Variants in PPCDC observed in about 807,000 individuals in gnomAD.
PPCDC encodes phosphopantothenoylcysteine decarboxylase.
A neutral mutation model predicts 20.7 loss-of-function variants in PPCDC; 20 were observed. That is an observed-to-expected ratio of 0.97 (90% CI 0.68 to 1.41). PPCDC has a LOEUF of 1.41. PPCDC is among the 40% of genes most tolerant of loss of function. The pLI is 0.00. For synonymous variants in PPCDC, 88 were observed against 100.3 expected, an observed-to-expected ratio of 0.88 and a Z score of 0.73; for missense variants, 246 against 263.8, an observed-to-expected ratio of 0.93 and a Z score of 0.47.
chr15:75,043,876 C>T (rs967293582), intron 3 of PPCDC: 5 of 347,028 alleles, frequency 1.4e-5, no homozygotes, highest in East Asian at 1.3e-4. Flanking sequence ...GAACGCCTCA[C>T]TTCCCACGGC....
Position 75,049,498 on chromosome 15 carries a change from G to T in PPCDC, c.*263G>T. 1 of 488,084 alleles carries T rather than the reference G, an allele frequency of 2.0e-6. No individual in the cohort carries two copies. The highest frequency in any genetic ancestry group is 3.7e-6 in the Non-Finnish European group (1 of 269,232). The allele number at this position is 488,084 out of a possible 1,614,324, so 30.2% of individuals were successfully genotyped here. A position where few individuals can be genotyped will look rare whatever the true frequency, so the allele number is the denominator to read the frequency against. ...GTGAGGCAAGCCAGGAGAGCAAGCA[G>T]TGTTGTCCTCACGGGAGGAGGACTG... On this transcript the variant is annotated 3_prime_UTR_variant, in exon 6 of 6. Coordinates refer to ENST00000342932, the MANE Select transcript of PPCDC (RefSeq NM_021823.5).
intron 2 of PPCDC, among the ~76,000 whole-genome samples, chr15:75,030,997 G>T (rs2066013850): frequency 6.6e-6 from 1 of 152,174 alleles, no homozygotes; most frequent in African/African-American, 2.4e-5. Flanking sequence ...ATGACCTTGA[G>T]TATGTTGGGG....
chr15:75,047,303 C>T (rs768586695), intron 4 of PPCDC, among the ~76,000 whole-genome samples: 1 of 152,194 alleles, frequency 6.6e-6, no homozygotes, highest in Non-Finnish European at 1.5e-5. Flanking sequence ...GCCCGGCTGC[C>T]GTATTGAGAG....
chr15:75,033,605 T>A (rs2066051103), intron 2 of PPCDC, among the ~76,000 whole-genome samples: 1 of 151,968 alleles, frequency 6.6e-6, no homozygotes, highest in South Asian at 2.1e-4. Flanking sequence ...TTTTTTTTTT[T>A]AAAGTGCTCA....
intron 2 of PPCDC, among the ~76,000 whole-genome samples, chr15:75,037,485 G>A (rs892748414): frequency 9.8e-5 from 15 of 152,356 alleles, no homozygotes; most frequent in African/African-American, 3.1e-4. Flanking sequence ...GGTGGCTCAT[G>A]CCTGTAATCC....
At chr15:75,044,541 C>T (rs372490177) in intron 4 of PPCDC, 27 bp downstream of exon 4, 42 of 1,605,576 alleles carry the variant, frequency 2.6e-5, no homozygotes, top group Middle Eastern at 1.7e-4. Flanking sequence ...TGCCCTCGTC[C>T]GTCCCTGGGC....
intron 2 of PPCDC, among the ~76,000 whole-genome samples, chr15:75,037,834 C>G (rs1567055726): frequency 6.6e-6 from 1 of 152,034 alleles, no homozygotes; most frequent in Non-Finnish European, 1.5e-5. Context: ...TAGGAGGGAC[C>G]TGAACCGAGG....
At chr15:75,032,276 A>G (rs1172335817) in intron 2 of PPCDC, among the ~76,000 whole-genome samples, 1 of 152,170 alleles carries the variant, frequency 6.6e-6, no homozygotes, top group East Asian at 1.9e-4. Context: ...CCCCCAACTC[A>G]AGGAGTCAGC....
rs750615573 is a variant in PPCDC at position 75,043,444 on chromosome 15, G to A, written c.139G>A (p.Glu47Lys). The A allele has an allele frequency of 9.3e-6, 15 of 1,611,182 alleles. No individual in the cohort carries two copies. The East Asian group carries it at 2.7e-4, about 29-fold the overall frequency. ...VSKLLDIPGL[E>K]VAVVTTERAK... is the part of the protein sequence containing the mutation. ...ACCCCCTTCTTCTTGGTGACAGCTG[G>A]AAGTAGCAGTGGTCACAACTGAGAG... Residue 47 changes from glutamate (E) to lysine (K), a missense_variant, in exon 3 of 6, where the codon GAA becomes AAA. Glu to Lys is a moderately conservative substitution (Grantham distance 56). This residue lies in a region of PPCDC where 225 missense variants were observed against 222.6 expected (regional missense o/e 1.01). Coordinates refer to ENST00000342932, the MANE Select transcript of PPCDC (RefSeq NM_021823.5).
intron 3 of PPCDC, 124 bp from the exon 4 acceptor site, chr15:75,044,262 A>C (rs2066195246): frequency 7.3e-7 from 1 of 1,368,314 alleles, no homozygotes; most frequent in African/African-American, 1.4e-5. Context: ...GCAGGAGGGA[A>C]CGGAGGTTGG....
chr15:75,033,872 G>A (rs1445242224), intron 2 of PPCDC, among the ~76,000 whole-genome samples: 1 of 152,160 alleles, frequency 6.6e-6, no homozygotes, highest in Non-Finnish European at 1.5e-5. Context: ...CAACGTTCCT[G>A]TGCAGAGCCT....
intron 2 of PPCDC, among the ~76,000 whole-genome samples, chr15:75,034,348 C>T (rs2066060551): frequency 6.6e-6 from 1 of 152,126 alleles, no homozygotes; most frequent in Non-Finnish European, 1.5e-5. Flanking sequence ...GTTACCTGTA[C>T]CCCACCTATC....
chr15:75,028,688 G>T (rs1308260661), intron 2 of PPCDC, among the ~76,000 whole-genome samples: 1 of 152,140 alleles, frequency 6.6e-6, no homozygotes, highest in African/African-American at 2.4e-5. Context: ...GGGAGACTGG[G>T]AAAGGACCCA....
At position 75,050,040 on chromosome 15, in the gene PPCDC, G is replaced by T. The variant is rs1015744330; in HGVS notation, c.*805G>T. The T allele has an allele frequency of 6.6e-6, 1 of 152,170 alleles. No homozygotes were observed. Among genetic ancestry groups the T allele is most frequent in the Non-Finnish European group, 1.5e-5 (1 of 68,030 alleles). The allele number at this position is 152,170 out of a possible 1,614,324, so 9.4% of individuals were successfully genotyped here. On this transcript the variant is annotated 3_prime_UTR_variant, in exon 6 of 6. Coordinates refer to ENST00000342932, the MANE Select transcript of PPCDC (RefSeq NM_021823.5). ...TTGAGAGGATTCAGTGAAATTTTGT[G>T]TGCAGAATACCCATGCCACTGAGTG...
rs1361344572 is a variant in PPCDC, at chr15:75,044,287, G to A, written c.232-99G>A. The A allele has an allele frequency of 3.3e-6, 5 of 1,534,138 alleles. No individual in the cohort carries two copies. In the East Asian group the frequency reaches 9.1e-5, roughly 28 times the overall value. ...ACGGAGGTTGGCCTGGGCAGGGCAGGTCAGTGGGTTCCTCAGTCTCCTGAC... is the reference window on the plus strand; with the variant it reads ...ACGGAGGTTGGCCTGGGCAGGGCAGATCAGTGGGTTCCTCAGTCTCCTGAC... On this transcript the variant is annotated intron_variant, in intron 3 of 5. Coordinates refer to ENST00000342932, the MANE Select transcript of PPCDC (RefSeq NM_021823.5).
At chr15:75,028,499 GC>G in intron 2 of PPCDC, 46 bp downstream of exon 2, 1 of 1,611,632 alleles carries the variant, frequency 6.2e-7, no homozygotes, top group Non-Finnish European at 8.5e-7. Context: ...GGCATGGGAG[GC>G]CGGTGCTCCC....
intron 2 of PPCDC, among the ~76,000 whole-genome samples, chr15:75,036,353 C>G (rs1308700037): frequency 6.6e-6 from 1 of 152,194 alleles, no homozygotes; most frequent in Non-Finnish European, 1.5e-5. Flanking sequence ...GCCCATAGGG[C>G]TGATGAATCA....
chr15:75,048,737 G>A lies in PPCDC; in HGVS notation c.529+16G>A. 6.2e-7 allele frequency: 1 copy of A among 1,613,052 alleles called. No homozygotes were observed. Among genetic ancestry groups the A allele is most frequent in the Non-Finnish European group, 8.5e-7 (1 of 1,179,360 alleles). ...GGAGATGAAGGTGGGTGTCTTGCCA[G>A]GCTTATAGCCCAGGGCTGTAGAAGG... On this transcript the variant is annotated intron_variant, in intron 5 of 5. Coordinates refer to ENST00000342932, the MANE Select transcript of PPCDC (RefSeq NM_021823.5).
At chr15:75,038,516 G>A (rs1163755124) in intron 2 of PPCDC, among the ~76,000 whole-genome samples, 1 of 152,204 alleles carries the variant, frequency 6.6e-6, no homozygotes, top group Non-Finnish European at 1.5e-5. Context: ...TGGCTTAGTA[G>A]CAGCATGAAT....
Sources: allele counts gnomAD v4.1 joint callset (sites outside exome capture counted in the v4.1 genomes callset), GRCh38; gene constraint gnomAD v4.1.1; regional missense constraint gnomAD v4.1.1; transcripts MANE v1.5; gene names NCBI Gene and HGNC (gene_info 2026-07-23, HGNC 2026-07-21).